Variants in HHIPL1 observed in about 807,000 individuals in gnomAD.
HHIPL1 encodes HHIP like 1.
Under a neutral mutation model 61.8 loss-of-function variants are expected in HHIPL1, and 43 were observed. The ratio of observed to expected loss-of-function variants is 0.70; its 90% confidence interval spans 0.55 to 0.90. HHIPL1 has a LOEUF of 0.90. Ranked by LOEUF, HHIPL1 falls within the 40% of genes least tolerant of loss-of-function variation. HHIPL1 has a pLI of 0.00. For missense variants in HHIPL1, 1,056 were observed against 1,157.7 expected (o/e 0.91, Z 1.28); for synonymous variants, 482 against 515.8 (o/e 0.93, Z 0.89).
rs971875292 is a variant in HHIPL1 at position 99,675,770 on chromosome 14, G to C, written c.*144G>C. ...GCTGTCCTGGGGACATGTGTGAGGC[G>C]CTGCAGTGCATGTGTGTCCTCTGCA... On this transcript the variant is annotated 3_prime_UTR_variant, in exon 9 of 9. Coordinates refer to ENST00000330710, the MANE Select transcript of HHIPL1 (RefSeq NM_001127258.3). The surrounding 1 kb of genome is among the most constrained non-coding windows in gnomAD (Gnocchi z 5.4). 3 of 804,764 alleles carry C rather than the reference G, an allele frequency of 3.7e-6. No individual in the cohort carries two copies. The African/African-American group carries it at 5.4e-5, about 14-fold the overall frequency. The allele number at this position is 804,764 out of a possible 1,614,324, so 49.9% of individuals were successfully genotyped here.
the HHIPL1 span, among the ~76,000 whole-genome samples, chr14:99,629,555 T>G: frequency 2.6e-5 from 4 of 152,054 alleles, no homozygotes; most frequent in Non-Finnish European, 4.4e-5. Context: ...TGGAGTGCAG[T>G]GGCACAATCT....
the HHIPL1 span, among the ~76,000 whole-genome samples, chr14:99,628,885 A>G: frequency 6.6e-6 from 1 of 152,200 alleles, no homozygotes; most frequent in South Asian, 2.1e-4. Flanking sequence ...AGGATGGAAG[A>G]CGAGGTAGTG....
chr14:99,668,361 A>G lies in HHIPL1; in HGVS notation c.1730+58A>G. 1.0e-5 allele frequency: 11 copies of G among 1,050,060 alleles called. No individual in the cohort carries two copies. The highest frequency in any genetic ancestry group is 1.6e-5 in the Non-Finnish European group (11 of 667,132). 65.0% of individuals were successfully genotyped at this position (1,050,060 alleles called of 1,614,324 possible). A position where few individuals can be genotyped will look rare whatever the true frequency, so the allele number is the denominator to read the frequency against. ...GCTGTCTGTCAGGCCTCTTAGCTCC[A>G]CGGGCTTGTCCCCTCCGCCTCGCCC... is the stretch of plus-strand genomic sequence containing the variant. On this transcript the variant is annotated intron_variant, in intron 7 of 8. Transcript: ENST00000330710. The surrounding 1 kb of genome is among the most constrained non-coding windows in gnomAD (Gnocchi z 4.7).
At chr14:99,657,898 C>A (rs1410436286) in intron 3 of HHIPL1, among the ~76,000 whole-genome samples, 1 of 151,904 alleles carries the variant, frequency 6.6e-6, no homozygotes, top group Admixed American at 6.6e-5. Flanking sequence ...CATCCACATA[C>A]ATCCACATGT....
At chr14:99,672,953 C>T (rs1156587937) in intron 8 of HHIPL1, among the ~76,000 whole-genome samples, 1 of 152,230 alleles carries the variant, frequency 6.6e-6, no homozygotes, top group Non-Finnish European at 1.5e-5. Flanking sequence ...CCCATCCACT[C>T]ATTCACCACG....
intron 6 of HHIPL1, among the ~76,000 whole-genome samples, chr14:99,665,119 G>A (rs908733410): frequency 1.3e-5 from 2 of 152,034 alleles, no homozygotes; most frequent in African/African-American, 2.4e-5. Context: ...TAGAGATGGG[G>A]TTTCATCATG....
chr14:99,668,839 G>A lies in HHIPL1; in HGVS notation c.1730+536G>A, dbSNP rs765887537. 20 of 1,613,570 alleles carry A rather than the reference G, an allele frequency of 1.2e-5. No individual in the cohort carries two copies. The highest frequency in any genetic ancestry group is 3.3e-5 in the South Asian group (3 of 91,082). On this transcript the variant is annotated intron_variant, in intron 7 of 8. Transcript: ENST00000330710. This position sits in a 1 kb window ranked among gnomAD's most constrained non-coding sequence, Gnocchi z 4.7. ...CCCCGGCTTCCCTTCTAGCTGTAAG[G>A]CCAGAAGCGCCATGCCCGGCTATGT...
At chr14:99,631,110 CTCTCTT>C in the HHIPL1 span, among the ~76,000 whole-genome samples, 11 of 89,574 alleles carry the variant, frequency 1.2e-4, no homozygotes, top group South Asian at 6.5e-4. Context: ...CTTTCTTTCT[CTCTCTT>C]TCTTTCTTTC....
chr14:99,656,129 G>A (rs1566809398), intron 2 of HHIPL1, among the ~76,000 whole-genome samples: 1 of 152,218 alleles, frequency 6.6e-6, no homozygotes, highest in Admixed American at 6.5e-5. Flanking sequence ...GTTAGAAGCT[G>A]CAAATGAGAG....
intron 3 of HHIPL1, among the ~76,000 whole-genome samples, chr14:99,657,862 C>A (rs1183621362): frequency 6.6e-6 from 1 of 151,936 alleles, no homozygotes; most frequent in Non-Finnish European, 1.5e-5. Context: ...ACACAATACA[C>A]ACACATATAC....
At chr14:99,639,481 A>G in the HHIPL1 span, among the ~76,000 whole-genome samples, 1 of 151,904 alleles carries the variant, frequency 6.6e-6, no homozygotes, top group East Asian at 1.9e-4. Flanking sequence ...AGTAGCTGGG[A>G]CTATAGGCAC....
chr14:99,666,873 C>T (rs2056254355), intron 6 of HHIPL1, among the ~76,000 whole-genome samples: 1 of 152,194 alleles, frequency 6.6e-6, no homozygotes, highest in Non-Finnish European at 1.5e-5. Flanking sequence ...CAGCGTACTG[C>T]TCTCCTCATC....
intron 1 of HHIPL1, among the ~76,000 whole-genome samples, chr14:99,648,114 C>T (rs1448056665): frequency 6.6e-6 from 1 of 152,138 alleles, no homozygotes; most frequent in Non-Finnish European, 1.5e-5. Context: ...GTTGGCAAGT[C>T]ACAGGCCCAG....
chr14:99,632,882 T>TGA, the HHIPL1 span, among the ~76,000 whole-genome samples: 24,278 of 150,512 alleles, frequency 0.16, 1,992 homozygotes, highest in African/African-American at 0.19. Context: ...GGTGTGTGTG[T>TGA]GAGAGAGAGA....
In HHIPL1 at chr14:99,676,874, G is replaced by C. The variant is rs984583066; in HGVS notation, c.*1248G>C. On this transcript the variant is annotated 3_prime_UTR_variant, in exon 9 of 9. Coordinates refer to ENST00000330710, the MANE Select transcript of HHIPL1 (RefSeq NM_001127258.3). ...CAGCCTCGGATGGGAGCACGGGTGG[G>C]GGGTGGGTAAGCAGATGAGTCACCA... 2.0e-5 allele frequency: 3 copies of C among 151,750 alleles called. No homozygotes were observed. Among genetic ancestry groups the C allele is most frequent in the Admixed American group, 2.0e-4 (3 of 15,258 alleles). The allele number at this position is 151,750 out of a possible 1,614,324, so 9.4% of individuals were successfully genotyped here.
the HHIPL1 span, among the ~76,000 whole-genome samples, chr14:99,637,095 G>GAAAGAAA: frequency 9.7e-5 from 6 of 61,964 alleles, no homozygotes; most frequent in Admixed American, 2.0e-4. Context: ...AAAGAAAGAA[G>GAAAGAAA]GAAGGAAAAA....
intron 7 of HHIPL1, among the ~76,000 whole-genome samples, 165 bp from the exon 8 acceptor site, chr14:99,672,152 G>A (rs2056332271): frequency 6.6e-6 from 1 of 152,252 alleles, no homozygotes; most frequent in Admixed American, 6.5e-5. Context: ...TTAGAATCCT[G>A]GGGGCATGGA....
intron 6 of HHIPL1, among the ~76,000 whole-genome samples, chr14:99,664,868 T>C (rs2056216446): frequency 6.6e-6 from 1 of 151,766 alleles, no homozygotes; most frequent in Non-Finnish European, 1.5e-5. Flanking sequence ...CAGGAGCCCT[T>C]GGAATGAAGA....
chr14:99,634,122 C>A, the HHIPL1 span, among the ~76,000 whole-genome samples: 1 of 152,182 alleles, frequency 6.6e-6, no homozygotes, highest in Non-Finnish European at 1.5e-5. Flanking sequence ...ATCTCCCAGC[C>A]GAGGTCCCCC....
Sources: allele counts gnomAD v4.1 joint callset (sites outside exome capture counted in the v4.1 genomes callset), GRCh38; gene constraint gnomAD v4.1.1; non-coding constraint Gnocchi (gnomAD v3.1); transcripts MANE v1.5; gene names NCBI Gene and HGNC (gene_info 2026-07-23, HGNC 2026-07-21).